HMCN1: variants seen among roughly 807,000 people sequenced by gnomAD.
HMCN1 encodes hemicentin-1.
A neutral mutation model predicts 625.9 loss-of-function variants in HMCN1; 321 were observed. The ratio of observed to expected loss-of-function variants is 0.51; its 90% CI spans 0.47 to 0.56. HMCN1 has a LOEUF of 0.56. HMCN1 is among the 20% of genes least tolerant of loss of function. The probability of loss-of-function intolerance (pLI) is 0.00; values close to 1 mark genes in which losing one functional copy is unlikely to be tolerated. For missense variants in HMCN1, 6,588 were observed against 6,887.3 expected, an observed-to-expected ratio of 0.96 and a Z score of 1.54; for synonymous variants, 2,425 against 2,417.6, an observed-to-expected ratio of 1.00 and a Z score of -0.09.
intron 68 of HMCN1, among the ~76,000 whole-genome samples, chr1:186,096,236 AG>A (rs1278932727): frequency 1.3e-5 from 2 of 152,170 alleles, no homozygotes; most frequent in East Asian, 3.9e-4. Context: ...GGTAGAAGTT[AG>A]CATATGTTTC....
chr1:185,783,527 T>A (rs1201543100), intron 1 of HMCN1, among the ~76,000 whole-genome samples: 1 of 152,190 alleles, frequency 6.6e-6, no homozygotes, highest in East Asian at 1.9e-4. Context: ...GGTTTTGGTG[T>A]GGATGTCCTT....
intron 1 of HMCN1, among the ~76,000 whole-genome samples, chr1:185,737,520 T>G (rs1396808661): frequency 6.6e-6 from 1 of 152,200 alleles, no homozygotes; most frequent in South Asian, 2.1e-4. Context: ...TTTCTGAATC[T>G]TAGTATCCTC....
chr1:186,189,914 G>T lies in HMCN1; in HGVS notation c.*36G>T, dbSNP rs558323454. 60 of 1,608,482 alleles carry T rather than the reference G, an allele frequency of 3.7e-5. 1 individual carries two copies. The Admixed American group carries it at 9.7e-4, about 26-fold the overall frequency. On this transcript the variant is annotated 3_prime_UTR_variant, in exon 107 of 107. Coordinates refer to ENST00000271588, the MANE Select transcript of HMCN1 (RefSeq NM_031935.3). The stretch of plus-strand genomic sequence containing the variant: ...AAAGCCTATTCCACATATTTAAACC[G>T]CATTAATCATGGCAATCAAGCCCCC...
chr1:186,122,589 G>A (rs149605909), intron 80 of HMCN1, among the ~76,000 whole-genome samples: 28 of 152,210 alleles, frequency 1.8e-4, no homozygotes, highest in Non-Finnish European at 2.6e-4. Flanking sequence ...AAAACCTGGC[G>A]TTCATTTTGG....
chr1:185,755,191 T>C (rs1041054163), intron 1 of HMCN1, among the ~76,000 whole-genome samples: 2 of 152,272 alleles, frequency 1.3e-5, no homozygotes, highest in Non-Finnish European at 2.9e-5. Context: ...ATCTGTGTTT[T>C]TCTCCTTGTA....
intron 68 of HMCN1, 56 bp from the exon 69 acceptor site, chr1:186,103,416 G>C: frequency 2.1e-6 from 3 of 1,439,536 alleles, no homozygotes; most frequent in Non-Finnish European, 2.9e-6. Flanking sequence ...TTTTTCTAAC[G>C]AGCAATATTT....
chr1:186,009,166 T>G (rs959142696), intron 30 of HMCN1, among the ~76,000 whole-genome samples: 1 of 152,196 alleles, frequency 6.6e-6, no homozygotes, highest in Non-Finnish European at 1.5e-5. Context: ...AGTAGTCTTC[T>G]CTGCACTATT....
At chr1:186,100,974 C>G (rs1197359752) in intron 68 of HMCN1, among the ~76,000 whole-genome samples, 2 of 152,094 alleles carry the variant, frequency 1.3e-5, no homozygotes, top group Non-Finnish European at 2.9e-5. Context: ...TTCTTACAAG[C>G]CCCACAAAAC....
intron 104 of HMCN1, among the ~76,000 whole-genome samples, chr1:186,180,745 C>T (rs530881626): frequency 6.6e-6 from 1 of 152,246 alleles, no homozygotes; most frequent in Non-Finnish European, 1.5e-5. Context: ...AAATTTATAG[C>T]TAGTCCATTA....
Position 186,165,906 on chromosome 1 carries a change from G to A in HMCN1, c.15320-278G>A, listed in dbSNP as rs562279233. On this transcript the variant is annotated intron_variant, in intron 98 of 106. Transcript: ENST00000271588. ...TTCTGTGATGAAAGAGTTAAAGCAG[G>A]TAAAAGGCATTTAGAGCACAGTAGA... Among the ~76,000 whole-genome samples, 8 of 152,300 alleles carry A rather than the reference G, an allele frequency of 5.3e-5. No individual in the cohort carries two copies. In the East Asian group the frequency reaches 1.3e-3, roughly 26 times the overall value.
Position 186,144,654 on chromosome 1 carries a change from C to A in HMCN1, c.14217C>A (p.Cys4739Ter), listed in dbSNP as rs371852930. The A allele has an allele frequency of 1.2e-6, 2 of 1,614,068 alleles. No homozygotes were observed. Among genetic ancestry groups the A allele is most frequent in the Non-Finnish European group, 1.7e-6 (2 of 1,179,996 alleles). Residue 4739 changes from cysteine (C) to a stop codon, truncating the protein, a stop_gained, in exon 91 of 107, where the codon TGC becomes TGA. Coordinates refer to ENST00000271588, the MANE Select transcript of HMCN1 (RefSeq NM_031935.3). LOFTEE classifies it high-confidence loss of function. ...TGCCCCAGTATGGAGGAAGGAAATG[C>A]GAAGGGAGTGATGTCCAGAGTGATT... is the stretch of plus-strand genomic sequence containing the variant. ...DPVPQYGGRK[C>*]EGSDVQSDFC...
chr1:186,087,853 G>T lies in HMCN1; in HGVS notation c.9364-79G>T, dbSNP rs903694487. 1.4e-5 allele frequency: 19 copies of T among 1,333,882 alleles called. No individual in the cohort carries two copies. In the African/African-American group the frequency reaches 2.3e-4, roughly 16 times the overall value. 82.6% of individuals were successfully genotyped at this position (1,333,882 alleles called of 1,614,324 possible). The stretch of plus-strand genomic sequence containing the variant: ...GGCATTGAGCATACAGATGACTGAT[G>T]ATTTAATCTAAACTCGAACAGTATG... On this transcript the variant is annotated intron_variant, in intron 60 of 106. Transcript: ENST00000271588.
rs529344563 is a variant in HMCN1 at position 186,178,669 on chromosome 1, A to G, written c.16197A>G (p.Ser5399=). The G allele has an allele frequency of 6.2e-6, 10 of 1,614,076 alleles. No homozygotes were observed. Among genetic ancestry groups the G allele is most frequent in the African/African-American group, 1.3e-5 (1 of 75,048 alleles). ...ACTCACATCTCTACAGCTCCTACTC[A>G]GAGTATAGAAACAGCAGAACATCTC... ...RQYSHLYSSY[S]EYRNSRTSLS... is the part of the protein sequence containing the mutation. Residue 5399 remains serine (S), a synonymous_variant, in exon 104 of 107, where the codon TCA becomes TCG. Coordinates refer to ENST00000271588, the MANE Select transcript of HMCN1 (RefSeq NM_031935.3).
At chr1:185,839,931 T>C (rs933980194) in intron 1 of HMCN1, among the ~76,000 whole-genome samples, 3 of 152,230 alleles carry the variant, frequency 2.0e-5, no homozygotes, top group Non-Finnish European at 4.4e-5. Context: ...TGTGCATGAA[T>C]TCATCACTGA....
rs771339230 is a variant in HMCN1, at chr1:186,037,939, C to T, written c.5755C>T (p.Pro1919Ser). ...QHIQLHVHEP[P>S]SLEDAGKMLN... is the part of the protein sequence containing the mutation. ...TCTGTTTGGGCCTCTTGTAGAACCA[C>T]CTAGTCTGGAAGATGCTGGAAAAAT... The change falls in exon 37 of 107, where the codon CCT becomes TCT. Residue 1919 changes from proline to serine, a missense_variant. By Grantham distance (74) the Pro-to-Ser change is moderately conservative. Around this residue, in one of 3 missense-constraint regions of HMCN1, gnomAD observed 4,628 missense variants for 4,853.1 expected, o/e 0.95. Coordinates refer to ENST00000271588, the MANE Select transcript of HMCN1 (RefSeq NM_031935.3). The T allele has an allele frequency of 3.1e-6, 5 of 1,600,198 alleles. No individual in the cohort carries two copies. Among genetic ancestry groups the T allele is most frequent in the Middle Eastern group, 1.7e-4 (1 of 6,056 alleles).
At chr1:185,830,210 T>C (rs1012481024) in intron 1 of HMCN1, among the ~76,000 whole-genome samples, 1 of 152,154 alleles carries the variant, frequency 6.6e-6, no homozygotes, top group Non-Finnish European at 1.5e-5. Flanking sequence ...CTGTTCACTC[T>C]GATGATAGTT....
chr1:186,063,066 G>GTGTATATATATATATATATATA (rs1491400415), intron 48 of HMCN1, among the ~76,000 whole-genome samples: 2 of 29,940 alleles, frequency 6.7e-5, no homozygotes, highest in African/African-American at 3.6e-4. Context: ...GTGTGTGTGT[G>GTGTATATATATATATATATATA]CATATATATA....
At chr1:185,944,868 A>G (rs1485966947) in intron 11 of HMCN1, among the ~76,000 whole-genome samples, 1 of 152,236 alleles carries the variant, frequency 6.6e-6, no homozygotes, top group Non-Finnish European at 1.5e-5. Context: ...CAGAGTGTTT[A>G]GGCGTAAGAA....
At chr1:185,823,577 G>T in intron 1 of HMCN1, among the ~76,000 whole-genome samples, 1 of 152,086 alleles carries the variant, frequency 6.6e-6, no homozygotes, top group Non-Finnish European at 1.5e-5. Context: ...ATGACCAGTC[G>T]GTCATGAGCT....
Sources: gnomAD v4.1 joint callset for allele counts (sites outside exome capture counted in the v4.1 genomes callset) on GRCh38, gnomAD v4.1.1 for gene constraint, gnomAD v4.1.1 regional missense constraint, MANE v1.5 for transcripts, NCBI Gene and HGNC (gene_info 2026-07-23, HGNC 2026-07-21) for gene names.